Variants in CRHR1 observed in about 807,000 individuals in gnomAD.
CRHR1 encodes the protein corticotropin releasing hormone receptor 1.
A neutral mutation model predicts 56.0 loss-of-function variants in CRHR1; 28 were observed. The observed-to-expected ratio is 0.50, with a 90% CI of 0.37 to 0.69. CRHR1 has a LOEUF of 0.69. CRHR1 is among the 30% of genes least tolerant of loss of function. CRHR1 has a pLI of 0.00. For missense variants in CRHR1, 376 were observed against 548.0 expected, an observed-to-expected ratio of 0.69 and a Z score of 3.13; for synonymous variants, 195 against 216.5, an observed-to-expected ratio of 0.90 and a Z score of 0.87.
At chr17:45,834,283 C>G (rs1568075775) in intron 12 of CRHR1, among the ~76,000 whole-genome samples, 1 of 152,236 alleles carries the variant, frequency 6.6e-6, no homozygotes. Flanking sequence ...GAAGCCAGAG[C>G]TCCAGTATCT....
rs948460087 is a variant in CRHR1, at chr17:45,784,935, C to T, written c.33+358C>T. Reference sequence around the variant, plus strand: ...ACGCCCTTCCTGCAGACCTCGGCCCCGGGACTGGAGACTCTGAAGCGGGGT... The same window carrying T: ...ACGCCCTTCCTGCAGACCTCGGCCCTGGGACTGGAGACTCTGAAGCGGGGT... On this transcript the variant is annotated intron_variant, in intron 1 of 12. Transcript: ENST00000314537. The surrounding 1 kb of genome is among the most constrained non-coding windows in gnomAD (Gnocchi z 4.2). Among the ~76,000 whole-genome samples, 1 of 152,096 alleles carries T rather than the reference C, an allele frequency of 6.6e-6. No homozygotes were observed. The highest frequency in any genetic ancestry group is 1.5e-5 in the Non-Finnish European group (1 of 68,014).
At chr17:45,831,014 CATTGGCCATGCTGGCTT>C (rs1181700893) in intron 8 of CRHR1, 74 bp downstream of exon 8, 12 of 1,428,612 alleles carry the variant, frequency 8.4e-6, no homozygotes, top group Admixed American at 1.7e-5. Context: ...TCCCCACGGG[CATTGGCCATGCTGGCTT>C]TTTCCCCTCA....
chr17:45,803,780 G>GTGTGCGCGCA (rs1161689548), intron 1 of CRHR1, among the ~76,000 whole-genome samples: 2 of 149,090 alleles, frequency 1.3e-5, no homozygotes, highest in South Asian at 2.1e-4. Flanking sequence ...GTGTGTGCGT[G>GTGTGCGCGCA]CGCGTGCGCG....
At chr17:45,805,705 C>T (rs772907782) in intron 1 of CRHR1, among the ~76,000 whole-genome samples, 5 of 152,114 alleles carry the variant, frequency 3.3e-5, no homozygotes, top group Non-Finnish European at 5.9e-5. Flanking sequence ...CTGCTGGTGG[C>T]CGGGCACCCA....
At chr17:45,829,950 A>G in intron 5 of CRHR1, 144 bp from the exon 6 acceptor site, 2 of 1,313,840 alleles carry the variant, frequency 1.5e-6, no homozygotes, top group Non-Finnish European at 2.1e-6. Flanking sequence ...CCTGGCTGTC[A>G]CCTCCCTGTG....
At chr17:45,815,744 G>C (rs1490566715) in intron 2 of CRHR1, among the ~76,000 whole-genome samples, 1 of 152,194 alleles carries the variant, frequency 6.6e-6, no homozygotes, top group Non-Finnish European at 1.5e-5. Flanking sequence ...CAGCAAATTA[G>C]TGGCACAGCC....
At chr17:45,786,607 T>C (rs2061340078) in intron 1 of CRHR1, among the ~76,000 whole-genome samples, 2 of 151,894 alleles carry the variant, frequency 1.3e-5, no homozygotes, top group African/African-American at 4.8e-5. Flanking sequence ...TAAAAGGCTT[T>C]GTTTTGTTTG....
chr17:45,831,215 T>A (rs2062301806), intron 8 of CRHR1, among the ~76,000 whole-genome samples: 1 of 152,184 alleles, frequency 6.6e-6, no homozygotes, highest in African/African-American at 2.4e-5. Flanking sequence ...TTCAAATAGC[T>A]GTGTGACCTT....
chr17:45,789,767 A>G (rs2094595940), intron 1 of CRHR1, among the ~76,000 whole-genome samples: 2 of 152,170 alleles, frequency 1.3e-5, no homozygotes, highest in Non-Finnish European at 1.5e-5. Context: ...ATCTTCTTGT[A>G]TGGGTGGGAA....
intron 1 of CRHR1, among the ~76,000 whole-genome samples, chr17:45,797,368 G>A (rs1288049987): frequency 7.4e-6 from 1 of 136,044 alleles, no homozygotes; most frequent in East Asian, 2.1e-4. Flanking sequence ...TCGGCTCACT[G>A]CAAGCTCCGC....
chr17:45,833,902 G>A, intron 11 of CRHR1, 53 bp downstream of exon 11: 7 of 1,612,488 alleles, frequency 4.3e-6, no homozygotes, highest in Non-Finnish European at 5.9e-6. Context: ...ATTCTGCCAA[G>A]CAGAGGCCTG....
chr17:45,791,568 G>A (rs1339061434), intron 1 of CRHR1, among the ~76,000 whole-genome samples: 7 of 152,102 alleles, frequency 4.6e-5, no homozygotes, highest in Non-Finnish European at 1.0e-4. Flanking sequence ...TGAGGCCAGC[G>A]GTGGCATCTC....
chr17:45,792,358 G>A (rs975167996), intron 1 of CRHR1, among the ~76,000 whole-genome samples: 13 of 152,118 alleles, frequency 8.5e-5, no homozygotes, highest in African/African-American at 2.7e-4. Context: ...GGCCAGGTGC[G>A]CCATTTACTG....
chr17:45,835,465 A>G lies in CRHR1; in HGVS notation c.*701A>G, dbSNP rs1171486026. On this transcript the variant is annotated 3_prime_UTR_variant, in exon 13 of 13. Coordinates refer to ENST00000314537, the MANE Select transcript of CRHR1 (RefSeq NM_004382.5). The stretch of plus-strand genomic sequence containing the variant: ...GCTTCCCCTCACTTAACCACCCCAT[A>G]CCAGTCACCTCCTGCTCCTTTTCCT... The G allele has an allele frequency of 6.5e-6, 1 of 153,004 alleles. No homozygotes were observed. The highest frequency in any genetic ancestry group is 2.4e-5 in the African/African-American group (1 of 41,420). 9.5% of individuals were successfully genotyped at this position (153,004 alleles called of 1,614,324 possible). A position where few individuals can be genotyped will look rare whatever the true frequency, so the allele number is the denominator to read the frequency against.
intron 4 of CRHR1, among the ~76,000 whole-genome samples, chr17:45,824,356 C>CGCACT (rs2062111789): frequency 6.6e-6 from 1 of 152,310 alleles, no homozygotes; most frequent in South Asian, 2.1e-4. Flanking sequence ...GGCTGCAGGC[C>CGCACT]GCACTGTCTG....
rs371548623 is a variant in CRHR1 at position 45,808,147 on chromosome 17, G to T, written c.121+1050G>T. ...GCAGGGCACTGGGGGAAACAAGGGG[G>T]CTCACAGGCTAGTCTGGGCATCGAA... On this transcript the variant is annotated intron_variant, in intron 2 of 12. Transcript: ENST00000314537. 8.5e-5 allele frequency among the ~76,000 whole-genome samples: 13 copies of T among 152,332 alleles called. No individual in the cohort carries two copies. The East Asian group carries it at 1.5e-3, about 18-fold the overall frequency.
chr17:45,789,464 T>A (rs2061390067), intron 1 of CRHR1, among the ~76,000 whole-genome samples: 1 of 152,016 alleles, frequency 6.6e-6, no homozygotes, highest in African/African-American at 2.4e-5. Flanking sequence ...GTCAACCTTG[T>A]GGGCTCAAGT....
chr17:45,802,259 A>AGGTT (rs1313152422), intron 1 of CRHR1, among the ~76,000 whole-genome samples: 1 of 152,176 alleles, frequency 6.6e-6, no homozygotes, highest in Non-Finnish European at 1.5e-5. Context: ...CAGGAGACAG[A>AGGTT]GGTTGGAGTG....
At chr17:45,791,388 C>A (rs1276226693) in intron 1 of CRHR1, among the ~76,000 whole-genome samples, 1 of 152,152 alleles carries the variant, frequency 6.6e-6, no homozygotes, top group Admixed American at 6.5e-5. Flanking sequence ...TGGCAGGGTG[C>A]CCAAGGGCTC....
Sources: allele counts gnomAD v4.1 joint callset (sites outside exome capture counted in the v4.1 genomes callset), GRCh38; gene constraint gnomAD v4.1.1; non-coding constraint Gnocchi (gnomAD v3.1); transcripts MANE v1.5; gene names NCBI Gene and HGNC (gene_info 2026-07-23, HGNC 2026-07-21).